The following PDCD6IP variants were observed in gnomAD, a reference collection of about 807,000 sequenced individuals.
PDCD6IP encodes programmed cell death 6-interacting protein.
A neutral mutation model predicts 103.7 loss-of-function variants in PDCD6IP; 43 were observed. The ratio of observed to expected loss-of-function variants is 0.41; its 90% CI spans 0.32 to 0.53. PDCD6IP has a LOEUF of 0.53. PDCD6IP is among the 20% of genes least tolerant of loss of function. The pLI is 0.16. For synonymous variants in PDCD6IP, 354 were observed against 378.7 expected (o/e 0.93, Z 0.76); for missense variants, 871 against 1,036.7 (o/e 0.84, Z 2.20).
In PDCD6IP at chr3:33,850,720, A is replaced by G. The variant is rs1490063300; in HGVS notation, c.1642-1768A>G. 9.2e-5 allele frequency among the ~76,000 whole-genome samples: 14 copies of G among 152,230 alleles called. No homozygotes were observed. In the East Asian group the frequency reaches 2.7e-3, roughly 29 times the overall value. ...GAAACTTTTATTCACATCGTCTGAT[A>G]TCAAGTTCTGCTAGGTCTTTAAACA... is the stretch of plus-strand genomic sequence containing the variant. On this transcript the variant is annotated intron_variant, in intron 12 of 17. Coordinates refer to ENST00000307296, the MANE Select transcript of PDCD6IP (RefSeq NM_013374.6).
In PDCD6IP at chr3:33,798,822, G is replaced by T. The variant is rs1474244960; in HGVS notation, c.94G>T (p.Gly32Cys). The T allele has an allele frequency of 1.2e-5, 18 of 1,563,132 alleles. No individual in the cohort carries two copies. The change falls in exon 1 of 18, where the codon GGC (glycine) becomes TGC (cysteine). Residue 32 changes from glycine to cysteine, a missense_variant. This residue lies in a region of PDCD6IP where 114 missense variants were observed against 106.7 expected (regional missense o/e 1.07). Coordinates refer to ENST00000307296, the MANE Select transcript of PDCD6IP (RefSeq NM_013374.6). ...VKFIQQTYPS[G>C]GEEQAQYCRA... ...GTTCATCCAGCAGACTTACCCAAGC[G>T]GCGGGGAAGAGCAGGCCCAGTACTG...
At chr3:33,848,037 C>T (rs1458578528) in intron 12 of PDCD6IP, among the ~76,000 whole-genome samples, 1 of 152,102 alleles carries the variant, frequency 6.6e-6, no homozygotes, top group East Asian at 1.9e-4. Context: ...TTGTTTAAAA[C>T]TGTGTGCCCT....
chr3:33,841,108 A>G lies in PDCD6IP; in HGVS notation c.1182-789A>G, dbSNP rs977316022. Among the ~76,000 whole-genome samples the G allele has an allele frequency of 3.3e-5, 5 of 150,640 alleles. No individual in the cohort carries two copies. In the South Asian group the frequency reaches 1.0e-3, roughly 32 times the overall value. ...AGTGGTGAGATCTTGGCTCACTGCA[A>G]CCTTCGCCTCCCGGCTTCAGGTGAT... is the stretch of plus-strand genomic sequence containing the variant. On this transcript the variant is annotated intron_variant, in intron 9 of 17. Transcript: ENST00000307296.
chr3:33,862,725 C>A (rs1697980616), intron 15 of PDCD6IP, among the ~76,000 whole-genome samples: 1 of 152,170 alleles, frequency 6.6e-6, no homozygotes, highest in African/African-American at 2.4e-5. Context: ...TTAGCCTTTT[C>A]ACCTGTTTTA....
intron 9 of PDCD6IP, among the ~76,000 whole-genome samples, chr3:33,838,754 ATGTG>A (rs371718093): frequency 1.3e-5 from 2 of 149,938 alleles, no homozygotes; most frequent in Non-Finnish European, 3.0e-5. Context: ...TTATATGTAT[ATGTG>A]TGTGTGTGTG....
chr3:33,841,813 G>C, intron 9 of PDCD6IP, 84 bp from the exon 10 acceptor site: 1 of 903,860 alleles, frequency 1.1e-6, no homozygotes. Flanking sequence ...TTTGGTTATA[G>C]AATACTAAAT....
chr3:33,839,295 G>T (rs1160963813), intron 9 of PDCD6IP, among the ~76,000 whole-genome samples: 4 of 152,130 alleles, frequency 2.6e-5, no homozygotes, highest in African/African-American at 9.7e-5. Flanking sequence ...TTTAAAACAC[G>T]TGTAATCATT....
chr3:33,842,491 A>T (rs1216446577), intron 10 of PDCD6IP, among the ~76,000 whole-genome samples: 2 of 151,396 alleles, frequency 1.3e-5, no homozygotes, highest in Non-Finnish European at 2.9e-5. Flanking sequence ...TATATTAAAT[A>T]TATTTGTTTT....
Position 33,844,239 on chromosome 3 carries a change from A to C in PDCD6IP, c.1471+16A>C. 1 of 1,358,606 alleles carries C rather than the reference A, an allele frequency of 7.4e-7. No individual in the cohort carries two copies. Among genetic ancestry groups the C allele is most frequent in the Non-Finnish European group, 1.0e-6 (1 of 1,002,228 alleles). 84.2% of individuals were successfully genotyped at this position (1,358,606 alleles called of 1,614,324 possible). A position where few individuals can be genotyped will look rare whatever the true frequency, so the allele number is the denominator to read the frequency against. On this transcript the variant is annotated intron_variant, in intron 11 of 17. Coordinates refer to ENST00000307296, the MANE Select transcript of PDCD6IP (RefSeq NM_013374.6). ...TTAAGAGCAGGTAAAAATGTGTATA[A>C]ATGACCTTCATTTGAATAAATTCCC...
intron 4 of PDCD6IP, among the ~76,000 whole-genome samples, chr3:33,822,679 G>A (rs1221799401): frequency 6.6e-6 from 1 of 151,904 alleles, no homozygotes; most frequent in African/African-American, 2.4e-5. Flanking sequence ...ATTTTGAGAC[G>A]GAGTCTTGTT....
chr3:33,798,996 T>G, intron 1 of PDCD6IP, 59 bp downstream of exon 1: 1 of 1,384,156 alleles, frequency 7.2e-7, no homozygotes, highest in East Asian at 2.5e-5. Context: ...CCGCTCCTCT[T>G]CCCGTCTCCC....
intron 15 of PDCD6IP, among the ~76,000 whole-genome samples, chr3:33,861,000 TA>T (rs202127648): frequency 0.24 from 35,131 of 146,044 alleles, 4,311 homozygotes; most frequent in East Asian, 0.38. Context: ...TAGCCGTAGT[TA>T]AAAAAAAAAA....
chr3:33,835,366 G>C, intron 7 of PDCD6IP: 1 of 451,266 alleles, frequency 2.2e-6, no homozygotes, highest in Non-Finnish European at 4.4e-6. Context: ...CCTTGTTTCA[G>C]TTCTCCATGA....
intron 7 of PDCD6IP, among the ~76,000 whole-genome samples, chr3:33,834,188 C>T (rs1303044900): frequency 1.3e-5 from 2 of 152,148 alleles, no homozygotes; most frequent in Non-Finnish European, 2.9e-5. Context: ...CCCTCAGCAT[C>T]ACATTTTTTT....
In PDCD6IP at chr3:33,866,817, C is replaced by T. The variant is rs765989731; in HGVS notation, c.*292C>T. 7.6e-5 allele frequency: 20 copies of T among 263,108 alleles called. No homozygotes were observed. Among genetic ancestry groups the T allele is most frequent in the East Asian group, 1.4e-4 (2 of 14,518 alleles). The allele number at this position is 263,108 out of a possible 1,614,324, so 16.3% of individuals were successfully genotyped here. A position where few individuals can be genotyped will look rare whatever the true frequency, so the allele number is the denominator to read the frequency against. ...AAACCTGCAAGTGAAACATTTGAAA[C>T]GATTATACTTTCTACATAAGACATG... On this transcript the variant is annotated 3_prime_UTR_variant, in exon 18 of 18. Transcript: ENST00000307296.
At chr3:33,862,904 G>A (rs972175627) in intron 15 of PDCD6IP, among the ~76,000 whole-genome samples, 1 of 152,018 alleles carries the variant, frequency 6.6e-6, no homozygotes, top group Non-Finnish European at 1.5e-5. Flanking sequence ...AGTTTGACAC[G>A]TTTCTTACTC....
At chr3:33,808,232 G>A (rs1396354381) in intron 1 of PDCD6IP, among the ~76,000 whole-genome samples, 1 of 152,174 alleles carries the variant, frequency 6.6e-6, no homozygotes, top group Non-Finnish European at 1.5e-5. Context: ...AGGGACCTGA[G>A]AGATTATAAA....
chr3:33,824,236 T>C (rs1348462005), intron 4 of PDCD6IP, among the ~76,000 whole-genome samples: 1 of 151,936 alleles, frequency 6.6e-6, no homozygotes, highest in South Asian at 2.1e-4. Flanking sequence ...GTGTTGTCTA[T>C]TTATCTAACT....
At chr3:33,827,453 C>T (rs4258908) in intron 6 of PDCD6IP, 34,170 of 152,518 alleles carry the variant, frequency 0.22, 4,186 homozygotes, top group East Asian at 0.39. Flanking sequence ...AGTGCATTAA[C>T]AGTACTTATT....
Sources: allele counts gnomAD v4.1 joint callset (sites outside exome capture counted in the v4.1 genomes callset), GRCh38; gene constraint gnomAD v4.1.1; regional missense constraint gnomAD v4.1.1; transcripts MANE v1.5; gene names NCBI Gene and HGNC (gene_info 2026-07-23, HGNC 2026-07-21).